Variants in STRBP observed in about 807,000 individuals in gnomAD.
STRBP encodes spermatid perinuclear RNA binding protein.
A neutral mutation model predicts 80.1 loss-of-function variants in STRBP; 13 were observed. The observed-to-expected ratio is 0.16, with a 90% CI of 0.11 to 0.26. The LOEUF (loss-of-function observed/expected upper bound fraction) is 0.26. Among genes scored for constraint, STRBP ranks in the 10% least tolerant of loss-of-function variants. The probability of loss-of-function intolerance (pLI) is 1.00; values close to 1 mark genes in which losing one functional copy is unlikely to be tolerated. For missense variants in STRBP, 485 were observed against 815.2 expected, an observed-to-expected ratio of 0.59 and a Z score of 4.93; for synonymous variants, 284 against 291.2, an observed-to-expected ratio of 0.98 and a Z score of 0.25.
chr9:123,240,790 A>G (rs911335086), intron 1 of STRBP, among the ~76,000 whole-genome samples: 3 of 152,138 alleles, frequency 2.0e-5, no homozygotes, highest in Non-Finnish European at 4.4e-5. Flanking sequence ...ACTCTGTATA[A>G]TGTCTATATA....
intron 6 of STRBP, among the ~76,000 whole-genome samples, chr9:123,166,754 GCAACAACAACAACAACAA>G (rs72023338): frequency 8.1e-5 from 12 of 147,314 alleles, no homozygotes; most frequent in South Asian, 2.1e-4. Context: ...ACTGTCTCCA[GCAACAACAACAACAACAA>G]CAACAACAAC....
At chr9:123,133,011 C>T (rs750192423) in intron 16 of STRBP, 43 bp from the exon 17 acceptor site, 2 of 1,602,348 alleles carry the variant, frequency 1.2e-6, no homozygotes. Context: ...AAATAAGAAC[C>T]ATTTTATTTC....
intron 2 of STRBP, among the ~76,000 whole-genome samples, chr9:123,217,383 C>A (rs2039932175): frequency 6.6e-6 from 1 of 152,054 alleles, no homozygotes. Flanking sequence ...CAAAGATACT[C>A]CCTTGCCAAT....
intron 6 of STRBP, among the ~76,000 whole-genome samples, chr9:123,168,882 TAAC>T (rs2037884672): frequency 1.3e-5 from 2 of 152,198 alleles, no homozygotes; most frequent in Non-Finnish European, 1.5e-5. Flanking sequence ...AAACTACCAA[TAAC>T]TGAATACATT....
At chr9:123,120,692 C>G (rs1034080398), downstream of STRBP, among the ~76,000 whole-genome samples, 1 of 152,022 alleles carries the variant, frequency 6.6e-6, no homozygotes, top group Non-Finnish European at 1.5e-5. Flanking sequence ...ACCACTTTGT[C>G]CTTTGTTCTA....
At chr9:123,198,841 T>C (rs1367838454) in intron 2 of STRBP, among the ~76,000 whole-genome samples, 1 of 152,228 alleles carries the variant, frequency 6.6e-6, no homozygotes, top group East Asian at 1.9e-4. Context: ...ATTTATTAAA[T>C]AGTGTCCATT....
intron 1 of STRBP, among the ~76,000 whole-genome samples, chr9:123,264,031 T>C (rs1564344133): frequency 6.6e-6 from 1 of 152,092 alleles, no homozygotes; most frequent in Non-Finnish European, 1.5e-5. Context: ...TACAAAAAAT[T>C]AGCTGGGCGT....
intron 2 of STRBP, among the ~76,000 whole-genome samples, chr9:123,226,410 G>C (rs1411996886): frequency 1.3e-5 from 2 of 152,108 alleles, no homozygotes; most frequent in African/African-American, 4.8e-5. Flanking sequence ...AGGGACTCAA[G>C]AATGGCCAGA....
intron 6 of STRBP, among the ~76,000 whole-genome samples, chr9:123,168,765 A>C (rs73666504): frequency 3.3e-4 from 51 of 152,310 alleles, no homozygotes; most frequent in African/African-American, 1.2e-3. Flanking sequence ...CACAGGAGAA[A>C]TACCACCTGG....
chr9:123,189,063 T>C (rs1429685627), intron 2 of STRBP, among the ~76,000 whole-genome samples: 3 of 152,142 alleles, frequency 2.0e-5, no homozygotes, highest in Non-Finnish European at 1.5e-5. Context: ...CCAACCTGAA[T>C]GTCCAACAAT....
chr9:123,211,572 C>A (rs1374032388), intron 2 of STRBP, among the ~76,000 whole-genome samples: 1 of 152,082 alleles, frequency 6.6e-6, no homozygotes. Flanking sequence ...ATGACTAATC[C>A]ATTATCTAAT....
chr9:123,171,901 C>G (rs1002106359), intron 5 of STRBP, among the ~76,000 whole-genome samples: 10 of 152,100 alleles, frequency 6.6e-5, no homozygotes, highest in Non-Finnish European at 1.2e-4. Flanking sequence ...CAGGGTAACC[C>G]CCTTGAATAC....
At chr9:123,129,932 A>C (rs764617445) in intron 17 of STRBP, among the ~76,000 whole-genome samples, 3 of 152,230 alleles carry the variant, frequency 2.0e-5, no homozygotes. Context: ...AGCAGTAGGA[A>C]GAGGAGACAG....
intron 1 of STRBP, among the ~76,000 whole-genome samples, chr9:123,243,674 GAACA>G (rs1456918417): frequency 5.3e-5 from 8 of 151,752 alleles, no homozygotes; most frequent in African/African-American, 1.7e-4. Context: ...GCAAAAACAT[GAACA>G]AACATTTCAC....
At chr9:123,172,189 C>T (rs2038041119) in intron 5 of STRBP, among the ~76,000 whole-genome samples, 1 of 152,036 alleles carries the variant, frequency 6.6e-6, no homozygotes, top group East Asian at 1.9e-4. Flanking sequence ...TCATAAGAAA[C>T]AAGATTCATG....
chr9:123,207,398 C>T (rs1172173987), intron 2 of STRBP, among the ~76,000 whole-genome samples: 2 of 152,138 alleles, frequency 1.3e-5, no homozygotes, highest in Admixed American at 1.3e-4. Flanking sequence ...AAGCTAGTTG[C>T]AGAATAGCAT....
intron 2 of STRBP, among the ~76,000 whole-genome samples, chr9:123,205,418 T>C (rs541065638): frequency 3.9e-4 from 60 of 152,180 alleles, no homozygotes; most frequent in Non-Finnish European, 7.4e-4. Flanking sequence ...CCACAGAGCA[T>C]GGCAAAACAA....
chr9:123,227,349 G>A (rs1229541002), intron 2 of STRBP, among the ~76,000 whole-genome samples: 1 of 152,028 alleles, frequency 6.6e-6, no homozygotes, highest in Non-Finnish European at 1.5e-5. Context: ...CAAGTGCAAA[G>A]GCCCTGAGTC....
intron 1 of STRBP, among the ~76,000 whole-genome samples, chr9:123,255,222 A>C (rs565218545): frequency 4.6e-5 from 7 of 152,382 alleles, no homozygotes; most frequent in East Asian, 3.9e-4. Flanking sequence ...TGTTAAATGT[A>C]GGCTGTTAAA....
Sources: allele counts gnomAD v4.1 joint callset (sites outside exome capture counted in the v4.1 genomes callset), GRCh38; gene constraint gnomAD v4.1.1; transcripts MANE v1.5; gene names NCBI Gene and HGNC (gene_info 2026-07-23, HGNC 2026-07-21).